TENM3: variants seen among roughly 807,000 people sequenced by gnomAD.
The protein encoded by TENM3 is teneurin transmembrane protein 3, also known as teneurin-3.
Under a neutral mutation model 255.1 loss-of-function variants are expected in TENM3, and 63 were observed. That is an observed-to-expected ratio of 0.25 (90% CI 0.20 to 0.30). TENM3 has a LOEUF of 0.30. TENM3 is among the 10% of genes least tolerant of loss of function. TENM3 has a pLI of 1.00. For synonymous variants in TENM3, 1,306 were observed against 1,322.3 expected (o/e 0.99, Z 0.27); for missense variants, 2,929 against 3,461.1 (o/e 0.85, Z 3.86).
chr4:182,507,240 T>A (rs1262628297), intron 3 of TENM3, among the ~76,000 whole-genome samples: 4 of 152,222 alleles, frequency 2.6e-5, no homozygotes, highest in Non-Finnish European at 4.4e-5. Flanking sequence ...CATTTTTCTT[T>A]TGCCCTTTTT....
At chr4:182,490,246 A>C (rs574999639) in intron 3 of TENM3, among the ~76,000 whole-genome samples, 2 of 152,208 alleles carry the variant, frequency 1.3e-5, no homozygotes, top group African/African-American at 4.8e-5. Flanking sequence ...TAGGTATTCA[A>C]ATATTTCAGT....
intron 3 of TENM3, among the ~76,000 whole-genome samples, chr4:182,437,814 T>TG (rs1561446550): frequency 2.0e-5 from 3 of 149,280 alleles, no homozygotes; most frequent in Non-Finnish European, 4.5e-5. Context: ...AAAAAAAATA[T>TG]CTGGGCGGGC....
At chr4:182,546,037 A>T (rs1741410883) in intron 3 of TENM3, among the ~76,000 whole-genome samples, 1 of 152,220 alleles carries the variant, frequency 6.6e-6, no homozygotes, top group Non-Finnish European at 1.5e-5. Flanking sequence ...AAACTAGAGA[A>T]GGGACAATGT....
At chr4:182,423,829 A>G (rs1215652281) in intron 3 of TENM3, among the ~76,000 whole-genome samples, 1 of 152,212 alleles carries the variant, frequency 6.6e-6, no homozygotes, top group Non-Finnish European at 1.5e-5. Flanking sequence ...GAGAAAATAT[A>G]TTTAGATGTT....
the TENM3 span, among the ~76,000 whole-genome samples, chr4:181,812,094 T>C: frequency 2.6e-5 from 4 of 152,210 alleles, no homozygotes; most frequent in Non-Finnish European, 5.9e-5. Context: ...CACTAGGAAC[T>C]AAGAGGCCTA....
At chr4:182,584,402 GA>G (rs1328291580) in intron 3 of TENM3, among the ~76,000 whole-genome samples, 1 of 152,018 alleles carries the variant, frequency 6.6e-6, no homozygotes, top group African/African-American at 2.4e-5. Flanking sequence ...TTTTTGGTGG[GA>G]GCATGATTTT....
the TENM3 span, among the ~76,000 whole-genome samples, chr4:181,670,271 G>C: frequency 1.3e-5 from 2 of 152,078 alleles, no homozygotes; most frequent in Admixed American, 1.3e-4. Flanking sequence ...GAGGTAAAAG[G>C]GTCCGTCCCT....
upstream of TENM3, among the ~76,000 whole-genome samples, chr4:182,139,357 G>A (rs987173009): frequency 1.3e-5 from 2 of 152,104 alleles, no homozygotes; most frequent in African/African-American, 4.8e-5. Context: ...ATAAAAAGAT[G>A]TTCAATTTGT....
chr4:182,203,296 TA>T (rs577766452), intron 1 of TENM3, among the ~76,000 whole-genome samples: 84 of 151,942 alleles, frequency 5.5e-4, no homozygotes, highest in African/African-American at 1.8e-3. Flanking sequence ...AGCTATCACA[TA>T]AAATAAACTC....
At chr4:181,590,135 A>T in the TENM3 span, among the ~76,000 whole-genome samples, 113 of 152,304 alleles carry the variant, frequency 7.4e-4, no homozygotes, top group African/African-American at 2.6e-3. Context: ...AAGTCCTTTT[A>T]TTCAACCCTT....
the TENM3 span, among the ~76,000 whole-genome samples, chr4:181,523,362 C>A: frequency 1.1e-4 from 16 of 151,492 alleles, no homozygotes; most frequent in Non-Finnish European, 2.2e-4. Context: ...TTTCTATTTA[C>A]TTGAGTCTAT....
intron 3 of TENM3, among the ~76,000 whole-genome samples, chr4:182,506,156 T>G (rs1346319055): frequency 6.6e-6 from 1 of 152,210 alleles, no homozygotes; most frequent in Non-Finnish European, 1.5e-5. Flanking sequence ...GCTTAATAGT[T>G]ACTTACCATC....
At chr4:182,085,289 A>T in the TENM3 span, among the ~76,000 whole-genome samples, 2 of 152,184 alleles carry the variant, frequency 1.3e-5, no homozygotes, top group Non-Finnish European at 2.9e-5. Context: ...ATAGATTTTT[A>T]AAAATTTTTC....
At chr4:182,536,977 G>C (rs1740395754) in intron 3 of TENM3, among the ~76,000 whole-genome samples, 1 of 152,116 alleles carries the variant, frequency 6.6e-6, no homozygotes, top group East Asian at 1.9e-4. Flanking sequence ...AAGCCTGACA[G>C]CTGGCAAGAT....
Position 182,729,097 on chromosome 4 carries a change from C to G in TENM3, c.2501C>G (p.Ala834Gly). The change falls in exon 14 of 28, where the codon GCC (alanine) becomes GGC (glycine). Residue 834 changes from alanine to glycine, a missense_variant. By Grantham distance (60) the Ala-to-Gly change is moderately conservative (BLOSUM62 0). This residue lies in a region of TENM3 where 1,608 missense variants were observed against 1,884.4 expected (regional missense o/e 0.85). Transcript: ENST00000511685. ...CTTCAATCGCCTTCTCAGCAAGCTGCCAAATCCTTTTATGATCGAATCAGT... is the reference window on the plus strand; with the variant it reads ...CTTCAATCGCCTTCTCAGCAAGCTGGCAAATCCTTTTATGATCGAATCAGT... ...QSLQSPSQQA[A>G]KSFYDRISFL... 6.2e-7 allele frequency: 1 copy of G among 1,613,996 alleles called. No individual in the cohort carries two copies. Among genetic ancestry groups the G allele is most frequent in the Non-Finnish European group, 8.5e-7 (1 of 1,179,900 alleles).
chr4:181,605,498 GAAA>G, the TENM3 span, among the ~76,000 whole-genome samples: 1,610 of 13,244 alleles, frequency 0.12, 151 homozygotes, highest in South Asian at 0.29. Context: ...AAGAAAGAAA[GAAA>G]GAAAGAAAGA....
chr4:182,590,826 A>G (rs1746562018), intron 3 of TENM3, among the ~76,000 whole-genome samples: 1 of 150,908 alleles, frequency 6.6e-6, no homozygotes, highest in African/African-American at 2.4e-5. Flanking sequence ...TCCAGCCTGG[A>G]GACAGAGCGA....
intron 5 of TENM3, among the ~76,000 whole-genome samples, chr4:182,630,081 T>C (rs1228708988): frequency 1.3e-5 from 2 of 152,168 alleles, no homozygotes; most frequent in Non-Finnish European, 2.9e-5. Flanking sequence ...TCAGAGTGCT[T>C]CATACAGTAC....
chr4:181,824,501 T>A, the TENM3 span, among the ~76,000 whole-genome samples: 1 of 152,154 alleles, frequency 6.6e-6, no homozygotes, highest in East Asian at 1.9e-4. Context: ...TAGCACTATG[T>A]AGAATAACAA....
Sources: gnomAD v4.1 joint callset for allele counts (sites outside exome capture counted in the v4.1 genomes callset) on GRCh38, gnomAD v4.1.1 for gene constraint, gnomAD v4.1.1 regional missense constraint, MANE v1.5 for transcripts, NCBI Gene and HGNC (gene_info 2026-07-23, HGNC 2026-07-21) for gene names.